The following SORCS1 variants were observed in gnomAD, a reference collection of about 807,000 sequenced individuals.
SORCS1 encodes the protein sortilin related VPS10 domain containing receptor 1.
In SORCS1, 60 loss-of-function variants were observed where a neutral mutation model predicts 146.1. The observed-to-expected ratio is 0.41, with a 90% CI of 0.33 to 0.51. SORCS1 has a LOEUF of 0.51. Ranked by LOEUF, SORCS1 falls within the 20% of genes least tolerant of loss-of-function variation. The probability of loss-of-function intolerance (pLI) is 0.21; values close to 1 mark genes in which losing one functional copy is unlikely to be tolerated. For missense variants in SORCS1, 1,352 were observed against 1,487.6 expected (o/e 0.91, Z 1.50); for synonymous variants, 637 against 584.0 (o/e 1.09, Z -1.31).
chr10:107,149,804 GAA>G, intron 1 of SORCS1, among the ~76,000 whole-genome samples: 1 of 152,306 alleles, frequency 6.6e-6, no homozygotes, highest in South Asian at 2.1e-4. Flanking sequence ...TTGAGACAAT[GAA>G]GAAAGTGTTC....
intron 1 of SORCS1, among the ~76,000 whole-genome samples, chr10:107,133,699 C>T (rs896126322): frequency 2.0e-5 from 3 of 152,140 alleles, no homozygotes; most frequent in African/African-American, 7.2e-5. Context: ...TCTGTTTCAC[C>T]AGCCTTGGTG....
chr10:106,577,447 T>C lies in SORCS1; in HGVS notation c.3480A>G (p.Gly1160=), dbSNP rs147983280. The change falls in exon 26 of 26, where the codon GGA becomes GGG. Residue 1160 remains glycine, a synonymous_variant. Coordinates refer to ENST00000263054, the MANE Select transcript of SORCS1 (RefSeq NM_052918.5). ...AAATTGCATACTGTGCCCCAGCAGA[T>C]CCCCGCTTTGGCGTTGAAGGCGGAG... ...HATPPSTPKR[G]SAGAQYAI 6.3e-6 allele frequency: 10 copies of C among 1,596,032 alleles called. No homozygotes were observed. Among genetic ancestry groups the C allele is most frequent in the South Asian group, 5.5e-5 (5 of 90,872 alleles).
At position 106,592,915 on chromosome 10, in the gene SORCS1, A is replaced by G. The variant is rs138859281; in HGVS notation, c.3265+4436T>C. On this transcript the variant is annotated intron_variant, in intron 24 of 25. Coordinates refer to ENST00000263054, the MANE Select transcript of SORCS1 (RefSeq NM_052918.5). The stretch of plus-strand genomic sequence containing the variant: ...CACTTTGGGAGGCTGAGGCAGACAG[A>G]TCACTTGAGCTCAGGAGTTTGAGAC... Among the ~76,000 whole-genome samples, 1,151 of 152,106 alleles carry G rather than the reference A, an allele frequency of 7.6e-3. 16 individuals are homozygous for G. The highest frequency in any genetic ancestry group is 0.026 in the African/African-American group (1,091 of 41,490).
intron 1 of SORCS1, among the ~76,000 whole-genome samples, chr10:107,093,882 C>G (rs1257834166): frequency 1.3e-5 from 2 of 152,106 alleles, no homozygotes; most frequent in African/African-American, 2.4e-5. Flanking sequence ...TATCTTCTTG[C>G]TCTTTCTTGA....
In SORCS1 at chr10:107,144,671, C is replaced by T. The variant is rs182667254; in HGVS notation, c.558+19298G>A. ...GGGCACTCCGTAGTGAGCAGCTGAA[C>T]CCCAGCTGAAGAGCCAGGTTCAGCA... is the stretch of plus-strand genomic sequence containing the variant. On this transcript the variant is annotated intron_variant, in intron 1 of 25. Coordinates refer to ENST00000263054, the MANE Select transcript of SORCS1 (RefSeq NM_052918.5). Among the ~76,000 whole-genome samples, 13 of 152,348 alleles carry T rather than the reference C, an allele frequency of 8.5e-5. No homozygotes were observed. The East Asian group carries it at 2.3e-3, about 27-fold the overall frequency.
At chr10:106,603,078 C>G (rs1420157732) in intron 23 of SORCS1, among the ~76,000 whole-genome samples, 1 of 152,014 alleles carries the variant, frequency 6.6e-6, no homozygotes, top group Non-Finnish European at 1.5e-5. Context: ...CTTTAAGGAT[C>G]CTGAAAGACA....
chr10:106,604,387 G>C (rs7893880), intron 23 of SORCS1, among the ~76,000 whole-genome samples: 12,244 of 152,176 alleles, frequency 0.08, 792 homozygotes, highest in East Asian at 0.33. Context: ...ACAGGGTCTA[G>C]ACATGCACCT....
chr10:107,135,031 C>T (rs931632559), intron 1 of SORCS1, among the ~76,000 whole-genome samples: 6 of 152,148 alleles, frequency 3.9e-5, no homozygotes, highest in African/African-American at 1.2e-4. Flanking sequence ...TGTCTGAACA[C>T]AGGGCCTAAC....
intron 19 of SORCS1, among the ~76,000 whole-genome samples, chr10:106,628,422 G>A (rs1352848297): frequency 6.6e-6 from 1 of 152,166 alleles, no homozygotes; most frequent in African/African-American, 2.4e-5. Flanking sequence ...TTCATATAAA[G>A]GAGCTGCTTT....
rs564075485 is a variant in SORCS1 at position 106,696,873 on chromosome 10, A to G, written c.1413+2341T>C. 7.6e-4 allele frequency among the ~76,000 whole-genome samples: 116 copies of G among 152,336 alleles called. 1 individual carries two copies. Among genetic ancestry groups the G allele is most frequent in the African/African-American group, 2.6e-3 (110 of 41,578 alleles). ...GCAGTAAACAAAATTTATCCAGAGA[A>G]TCAATTCCATGTTGACACAAAAAGA... On this transcript the variant is annotated intron_variant, in intron 9 of 25. Transcript: ENST00000263054.
chr10:106,579,148 T>C lies in SORCS1; in HGVS notation c.3371+221A>G, dbSNP rs1844744005. 1.9e-6 allele frequency: 3 copies of C among 1,613,954 alleles called. No individual in the cohort carries two copies. The South Asian group carries it at 3.3e-5, about 18-fold the overall frequency. ...AGCTGGCCAGGCCTCCTTAGTTCAG[T>C]CTGAGGGACATTGGGCCTGCTTTCA... On this transcript the variant is annotated intron_variant, in intron 25 of 25. Coordinates refer to ENST00000263054, the MANE Select transcript of SORCS1 (RefSeq NM_052918.5).
At chr10:106,973,560 G>A (rs887946931) in intron 1 of SORCS1, among the ~76,000 whole-genome samples, 2 of 152,178 alleles carry the variant, frequency 1.3e-5, no homozygotes, top group Non-Finnish European at 2.9e-5. Context: ...GACTCACAGA[G>A]CCCCTGGGGG....
At chr10:107,068,788 T>C (rs2134166667) in intron 1 of SORCS1, among the ~76,000 whole-genome samples, 1 of 150,024 alleles carries the variant, frequency 6.7e-6, no homozygotes, top group East Asian at 2.0e-4. Context: ...GAGAATGGTG[T>C]GAACCTGTGA....
chr10:106,684,424 C>G (rs145628394), intron 10 of SORCS1, among the ~76,000 whole-genome samples: 68 of 152,242 alleles, frequency 4.5e-4, no homozygotes, highest in African/African-American at 1.2e-3. Flanking sequence ...TCCCTAAGGG[C>G]CCAAGGATTT....
chr10:107,101,527 TC>T (rs1024719091), intron 1 of SORCS1, among the ~76,000 whole-genome samples: 1 of 152,146 alleles, frequency 6.6e-6, no homozygotes, highest in Non-Finnish European at 1.5e-5. Flanking sequence ...CAGAATATTT[TC>T]CCTAAAGTAA....
At chr10:106,778,586 T>A (rs1474910339) in intron 3 of SORCS1, among the ~76,000 whole-genome samples, 2 of 152,212 alleles carry the variant, frequency 1.3e-5, no homozygotes, top group African/African-American at 4.8e-5. Flanking sequence ...TTCATATTTA[T>A]GAATACATAA....
intron 2 of SORCS1, among the ~76,000 whole-genome samples, chr10:106,924,521 C>T (rs938870162): frequency 1.3e-5 from 2 of 149,698 alleles, no homozygotes; most frequent in African/African-American, 2.5e-5. Flanking sequence ...ATCTAATTTG[C>T]ATTGGGCAGG....
At chr10:106,875,194 C>G (rs1950552097) in intron 2 of SORCS1, among the ~76,000 whole-genome samples, 1 of 152,154 alleles carries the variant, frequency 6.6e-6, no homozygotes, top group African/African-American at 2.4e-5. Context: ...GCTCCCACTT[C>G]TAAGTGAGAA....
At chr10:106,833,845 G>A (rs957827370) in intron 2 of SORCS1, among the ~76,000 whole-genome samples, 1 of 152,106 alleles carries the variant, frequency 6.6e-6, no homozygotes, top group Admixed American at 6.6e-5. Context: ...CCAGGCTGGA[G>A]TGCAGTGGCG....
Sources: allele counts gnomAD v4.1 joint callset (sites outside exome capture counted in the v4.1 genomes callset), GRCh38; gene constraint gnomAD v4.1.1; transcripts MANE v1.5; gene names NCBI Gene and HGNC (gene_info 2026-07-23, HGNC 2026-07-21).